COL18A1: variants seen among roughly 807,000 people sequenced by gnomAD.
COL18A1 encodes the protein collagen type XVIII alpha 1 chain, also known as collagen alpha-1(XVIII) chain.
COL18A1 carries 133 observed loss-of-function variants against 168.0 expected under a neutral mutation model. The observed-to-expected ratio is 0.79, with a 90% CI of 0.69 to 0.91. COL18A1 has a LOEUF of 0.91. Among genes scored for constraint, COL18A1 ranks in the 40% least tolerant of loss-of-function variants. COL18A1 has a pLI of 0.00. For missense variants in COL18A1, 2,126 were observed against 1,925.4 expected (o/e 1.10, Z -1.95); for synonymous variants, 949 against 809.0 (o/e 1.17, Z -2.94).
intron 15 of COL18A1, among the ~76,000 whole-genome samples, chr21:45,486,564 C>T (rs1013033792): frequency 5.3e-5 from 8 of 152,122 alleles, no homozygotes; most frequent in South Asian, 2.1e-4. Context: ...CTGGAGGTAA[C>T]GAGGGTGCCC....
chr21:45,449,128 C>A (rs532895707), intron 2 of COL18A1, among the ~76,000 whole-genome samples: 1 of 152,204 alleles, frequency 6.6e-6, no homozygotes, highest in African/African-American at 2.4e-5. Context: ...CCCCGCTGCC[C>A]GGCTCATGAC....
chr21:45,489,617 G>A (rs1195786516), intron 19 of COL18A1, 96 bp downstream of exon 19: 19 of 758,022 alleles, frequency 2.5e-5, no homozygotes, highest in Middle Eastern at 2.4e-4. Flanking sequence ...GGCCTTCCCC[G>A]CTCTTCCTGC....
Position 45,477,760 on chromosome 21 carries a change from AG to A in COL18A1, c.1020del (p.Gln341ArgfsTer32). On this transcript the variant is annotated frameshift_variant, in exon 8 of 42. Transcript: ENST00000651438. LOFTEE classifies it high-confidence loss of function. ...TCTGTTTATTCCCAGGGCGGCCTGA[AG>A]GGGCAGAAAGGGGAGCCAGGTGTTC... ...PGGRVKEGGL[K>X]GQKGEPGVPG... 6.5e-7 allele frequency: 1 copy of A among 1,540,180 alleles called. No individual in the cohort carries two copies.
rs75692972 is a variant in COL18A1 at position 45,476,687 on chromosome 21, CAT to C, written c.928+208_928+209del. On this transcript the variant is annotated intron_variant, in intron 6 of 41. Coordinates refer to ENST00000651438, the MANE Select transcript of COL18A1 (RefSeq NM_001379500.1). ...TGGTGTGTGATGTGCATGTTTGTGACATGTGTGATGTTTATGTGATGTGTATG... is the reference window on the plus strand; with the variant it reads ...TGGTGTGTGATGTGCATGTTTGTGACGTGTGATGTTTATGTGATGTGTATG... Among the ~76,000 whole-genome samples the C allele has an allele frequency of 0.2, 30,737 of 150,374 alleles. 3,072 individuals carry two copies. The highest frequency in any genetic ancestry group is 0.23 in the Middle Eastern group (67 of 288).
At chr21:45,482,725 G>A (rs2035943934) in intron 14 of COL18A1, 70 bp from the exon 15 acceptor site, 2 of 1,612,196 alleles carry the variant, frequency 1.2e-6, no homozygotes, top group Non-Finnish European at 1.7e-6. Flanking sequence ...TCCTGGCAGG[G>A]CGATGTGCCT....
At chr21:45,504,193 T>C in intron 33 of COL18A1, 139 bp downstream of exon 33, 1 of 1,041,514 alleles carries the variant, frequency 9.6e-7, no homozygotes. Flanking sequence ...CCAGAGGGTG[T>C]CGAGGGCGTC....
Position 45,456,837 on chromosome 21 carries a change from C to T in COL18A1, c.107-11405C>T, listed in dbSNP as rs558767689. On this transcript the variant is annotated intron_variant, in intron 2 of 41. Transcript: ENST00000651438. ...CTGCCCGTCGCCTGTGCCTCGCTCC[C>T]GACCCAGGAGGATGGGTACTGTGTG... 5.9e-6 allele frequency: 9 copies of T among 1,513,820 alleles called. No homozygotes were observed. The highest frequency in any genetic ancestry group is 4.4e-5 in the Admixed American group (2 of 45,162). The allele number at this position is 1,513,820 out of a possible 1,614,324, so 93.8% of individuals were successfully genotyped here.
At chr21:45,445,770 G>A (rs550872201) in intron 2 of COL18A1, among the ~76,000 whole-genome samples, 5 of 152,110 alleles carry the variant, frequency 3.3e-5, no homozygotes, top group South Asian at 4.1e-4. Context: ...TGTCTATTCC[G>A]ATTCTTGCCC....
intron 2 of COL18A1, among the ~76,000 whole-genome samples, chr21:45,458,046 A>C (rs1031185610): frequency 2.2e-5 from 3 of 135,140 alleles, no homozygotes; most frequent in African/African-American, 8.2e-5. Flanking sequence ...GGCAGGGACA[A>C]GTGCTGACAA....
rs1286659827 is a variant in COL18A1, at chr21:45,498,373, T to C, written c.2683+712T>C. On this transcript the variant is annotated intron_variant, in intron 32 of 41. Coordinates refer to ENST00000651438, the MANE Select transcript of COL18A1 (RefSeq NM_001379500.1). This position sits in a 1 kb window ranked among gnomAD's most constrained non-coding sequence, Gnocchi z 4.5. ...CCAGGGTTCCCTCTCGCCACCACGG[T>C]CCCCTCTCGCCGCCAGGGTCCCCTC... 1.2e-5 allele frequency: 8 copies of C among 654,626 alleles called. No homozygotes were observed. The highest frequency in any genetic ancestry group is 9.0e-5 in the Admixed American group (4 of 44,602). 40.6% of individuals were successfully genotyped at this position (654,626 alleles called of 1,614,324 possible).
intron 2 of COL18A1, among the ~76,000 whole-genome samples, chr21:45,436,031 C>T (rs1009494669): frequency 5.3e-5 from 8 of 152,200 alleles, no homozygotes; most frequent in Admixed American, 1.3e-4. Flanking sequence ...GCAAGGGGGA[C>T]ACTGGGGCCT....
chr21:45,421,330 G>A, intron 2 of COL18A1: 1 of 494,352 alleles, frequency 2.0e-6, no homozygotes. Flanking sequence ...GCTTGCACGG[G>A]GCAGAGACTC....
Position 45,477,902 on chromosome 21 carries a change from C to T in COL18A1, c.1158C>T (p.Pro386=), listed in dbSNP as rs533684137. 18 of 1,565,022 alleles carry T rather than the reference C, an allele frequency of 1.2e-5. No individual in the cohort carries two copies. The East Asian group carries it at 1.2e-4, about 10-fold the overall frequency. The change falls in exon 8 of 42, where the codon CCC becomes CCT. Residue 386 remains proline (P), a synonymous_variant. Transcript: ENST00000651438. ...CAGGCCCAGCGTTGCAAACTGTCCC[C>T]GGACCACAAGGACCCCCAGGGCCTC... ...GPAGPALQTV[P]GPQGPPGPPG... is the part of the protein sequence containing the mutation.
At position 45,512,575 on chromosome 21, in the gene COL18A1, T is replaced by TAA; in HGVS notation, c.*180_*181dup. 1 of 658,896 alleles carries TAA rather than the reference T, an allele frequency of 1.5e-6. No individual in the cohort carries two copies. Among genetic ancestry groups the TAA allele is most frequent in the Admixed American group, 2.8e-5 (1 of 35,712 alleles). 40.8% of individuals were successfully genotyped at this position (658,896 alleles called of 1,614,324 possible). ...AAGGAAGCCAAAGAGTGTATTTTTT[T>TAA]AAAAGTTTAAAACAGAAGCCTGATG... is the stretch of plus-strand genomic sequence containing the variant. On this transcript the variant is annotated 3_prime_UTR_variant, in exon 42 of 42. Transcript: ENST00000651438.
At chr21:45,419,313 G>T (rs188425664) in intron 2 of COL18A1, among the ~76,000 whole-genome samples, 7 of 151,546 alleles carry the variant, frequency 4.6e-5, no homozygotes, top group Admixed American at 4.6e-4. Flanking sequence ...GTGTAGTGAC[G>T]CAATGCCGTG....
At chr21:45,506,282 T>G in intron 37 of COL18A1, 4 of 385,608 alleles carry the variant, frequency 1.0e-5, no homozygotes, top group Non-Finnish European at 1.0e-5. Flanking sequence ...ACAAGGCGCC[T>G]GACGGGACGA....
chr21:45,494,144 C>G (rs904912122), intron 26 of COL18A1: 92 of 384,764 alleles, frequency 2.4e-4, no homozygotes, highest in African/African-American at 1.8e-3. Context: ...TGGGGTGGGC[C>G]TCAGACACAG....
chr21:45,419,034 C>T (rs988532871), intron 2 of COL18A1, among the ~76,000 whole-genome samples: 12 of 152,222 alleles, frequency 7.9e-5, no homozygotes, highest in South Asian at 2.1e-4. Context: ...AAAGGATGGA[C>T]GCGAGGACCA....
intron 2 of COL18A1, among the ~76,000 whole-genome samples, chr21:45,461,319 G>A (rs1171961905): frequency 6.6e-6 from 1 of 152,102 alleles, no homozygotes; most frequent in African/African-American, 2.4e-5. Context: ...TGGTCCAGTA[G>A]TCCAACAGGC....
Sources: allele counts gnomAD v4.1 joint callset (sites outside exome capture counted in the v4.1 genomes callset), GRCh38; gene constraint gnomAD v4.1.1; non-coding constraint Gnocchi (gnomAD v3.1); transcripts MANE v1.5; gene names NCBI Gene and HGNC (gene_info 2026-07-23, HGNC 2026-07-21).